The following SUGCT variants were observed in gnomAD, a reference collection of about 807,000 sequenced individuals.
SUGCT encodes the protein succinyl-CoA:glutarate CoA-transferase.
In SUGCT, 41 loss-of-function variants were observed where a neutral mutation model predicts 55.0. The ratio of observed to expected loss-of-function variants is 0.74; its 90% confidence interval spans 0.58 to 0.97. The LOEUF (loss-of-function observed/expected upper bound fraction) is 0.97, where lower values mean the gene tolerates loss of function less well. Ranked by LOEUF, SUGCT falls within the 50% of genes least tolerant of loss-of-function variation. The probability of loss-of-function intolerance (pLI) is 0.00; values close to 1 mark genes in which losing one functional copy is unlikely to be tolerated. For missense variants in SUGCT, 568 were observed against 547.8 expected, an observed-to-expected ratio of 1.04 and a Z score of -0.37; for synonymous variants, 187 against 200.4, an observed-to-expected ratio of 0.93 and a Z score of 0.56.
At chr7:40,763,302 T>C (rs1788629910) in intron 13 of SUGCT, among the ~76,000 whole-genome samples, 1 of 152,134 alleles carries the variant, frequency 6.6e-6, no homozygotes, top group Non-Finnish European at 1.5e-5. Flanking sequence ...GGTGTGGCAT[T>C]AGAATCCTCA....
intron 1 of SUGCT, among the ~76,000 whole-genome samples, chr7:40,163,726 C>G (rs1784289679): frequency 1.3e-5 from 2 of 151,914 alleles, no homozygotes; most frequent in Admixed American, 6.6e-5. Context: ...GATTTATACC[C>G]AAAACACTAC....
chr7:40,812,791 C>T (rs181199472), intron 13 of SUGCT, among the ~76,000 whole-genome samples: 313 of 152,108 alleles, frequency 2.1e-3, no homozygotes, highest in Non-Finnish European at 3.4e-3. Flanking sequence ...TTCTCTACTT[C>T]CTCTAGGTGT....
the SUGCT span, among the ~76,000 whole-genome samples, chr7:40,982,098 C>A: frequency 1.3e-5 from 2 of 151,616 alleles, no homozygotes; most frequent in African/African-American, 2.4e-5. Context: ...ATAAAATCAA[C>A]CTCACAGAAT....
chr7:40,355,926 A>G (rs969158216), intron 9 of SUGCT, among the ~76,000 whole-genome samples: 2 of 152,268 alleles, frequency 1.3e-5, no homozygotes, highest in Non-Finnish European at 2.9e-5. Context: ...AGGCATTTCT[A>G]GAATTTATTA....
chr7:40,986,125 T>C, the SUGCT span, among the ~76,000 whole-genome samples: 77 of 152,216 alleles, frequency 5.1e-4, 1 homozygote, highest in Non-Finnish European at 7.5e-4. Flanking sequence ...AACAGAATCC[T>C]CAGTTATGGT....
intron 7 of SUGCT, among the ~76,000 whole-genome samples, chr7:40,248,055 A>G (rs1790032841): frequency 2.1e-5 from 3 of 143,576 alleles, no homozygotes; most frequent in South Asian, 4.3e-4. Context: ...CTTGTTGCCC[A>G]GGCTGGAGTG....
At chr7:40,294,151 C>G (rs1584599089) in intron 8 of SUGCT, among the ~76,000 whole-genome samples, 1 of 151,972 alleles carries the variant, frequency 6.6e-6, no homozygotes, top group Non-Finnish European at 1.5e-5. Flanking sequence ...TTTCACCATG[C>G]TGGCCAGGCT....
At chr7:40,412,869 G>A (rs1202520999) in intron 9 of SUGCT, among the ~76,000 whole-genome samples, 1 of 151,920 alleles carries the variant, frequency 6.6e-6, no homozygotes, top group Non-Finnish European at 1.5e-5. Flanking sequence ...TATATGAGAG[G>A]ATAAATAAAT....
Position 40,496,316 on chromosome 7 carries a change from A to G in SUGCT, c.1019A>G (p.Tyr340Cys). 2 of 1,613,086 alleles carry G rather than the reference A, an allele frequency of 1.2e-6. No individual in the cohort carries two copies. The highest frequency in any genetic ancestry group is 1.7e-6 in the Non-Finnish European group (2 of 1,179,426). Residue 340 changes from tyrosine to cysteine, a missense_variant, in exon 12 of 14, where the codon TAT becomes TGT. By Grantham distance (194) the Tyr-to-Cys change is radical. Coordinates refer to ENST00000335693, the MANE Select transcript of SUGCT (RefSeq NM_001193313.2). Reference sequence around the variant, plus strand: ...GAAGAACTGACCAGCAAGTGGTTATATCTTTTTGAAGGCAGTGGAGTCCCG... The same window carrying G: ...GAAGAACTGACCAGCAAGTGGTTATGTCTTTTTGAAGGCAGTGGAGTCCCG... ...FEEELTSKWL[Y>C]LFEGSGVPYG...
At chr7:40,176,201 G>A (rs922959144) in intron 1 of SUGCT, among the ~76,000 whole-genome samples, 1 of 151,130 alleles carries the variant, frequency 6.6e-6, no homozygotes, top group Non-Finnish European at 1.5e-5. Context: ...CAGCCTGGGT[G>A]ACAGAGCAAG....
At chr7:40,627,074 T>C (rs1394918517) in intron 12 of SUGCT, among the ~76,000 whole-genome samples, 1 of 152,206 alleles carries the variant, frequency 6.6e-6, no homozygotes, top group African/African-American at 2.4e-5. Context: ...ATCCCACTCC[T>C]ACTTTTGGTG....
At chr7:40,403,500 C>T (rs1257978529) in intron 9 of SUGCT, among the ~76,000 whole-genome samples, 1 of 152,034 alleles carries the variant, frequency 6.6e-6, no homozygotes, top group African/African-American at 2.4e-5. Flanking sequence ...ATTTGTAAAA[C>T]GGGAATAACG....
chr7:40,215,788 G>T (rs1340261873), intron 6 of SUGCT, among the ~76,000 whole-genome samples: 2 of 151,958 alleles, frequency 1.3e-5, no homozygotes, highest in African/African-American at 2.4e-5. Flanking sequence ...TGTGAACCCG[G>T]GAGGCGGAGC....
intron 11 of SUGCT, among the ~76,000 whole-genome samples, chr7:40,467,455 A>G (rs1790184439): frequency 6.6e-6 from 1 of 151,882 alleles, no homozygotes; most frequent in Non-Finnish European, 1.5e-5. Flanking sequence ...ATCTAGTTAT[A>G]CTCTTTTAGT....
intron 1 of SUGCT, chr7:40,153,624 A>G (rs763435467): frequency 3.8e-6 from 2 of 522,866 alleles, no homozygotes; most frequent in Admixed American, 2.0e-5. Flanking sequence ...TTATGTTATA[A>G]TAGTCGATCC....
intron 13 of SUGCT, among the ~76,000 whole-genome samples, chr7:40,859,507 C>T (rs1345628145): frequency 6.6e-6 from 1 of 152,212 alleles, no homozygotes; most frequent in Non-Finnish European, 1.5e-5. Flanking sequence ...ACTTTGTGCC[C>T]GGCACCCCTT....
At chr7:40,476,280 A>G (rs527937328) in intron 11 of SUGCT, among the ~76,000 whole-genome samples, 5 of 152,186 alleles carry the variant, frequency 3.3e-5, no homozygotes, top group South Asian at 4.1e-4. Context: ...TGTCAAGGCT[A>G]TGTGGAACAG....
intron 11 of SUGCT, among the ~76,000 whole-genome samples, chr7:40,481,559 C>T (rs1583794452): frequency 6.6e-6 from 1 of 151,658 alleles, no homozygotes; most frequent in African/African-American, 2.4e-5. Flanking sequence ...AAATACAAAG[C>T]CGGTCTAACG....
chr7:40,835,676 A>G (rs1467007798), intron 13 of SUGCT, among the ~76,000 whole-genome samples: 1 of 152,158 alleles, frequency 6.6e-6, no homozygotes, highest in Non-Finnish European at 1.5e-5. Context: ...TTTGTTTCAA[A>G]GCTTTTAAAA....
Sources: allele counts gnomAD v4.1 joint callset (sites outside exome capture counted in the v4.1 genomes callset), GRCh38; gene constraint gnomAD v4.1.1; transcripts MANE v1.5; gene names NCBI Gene and HGNC (gene_info 2026-07-23, HGNC 2026-07-21).